Variants in TRPM8 observed in about 807,000 individuals in gnomAD.
TRPM8 encodes TRPM8 cationic channel.
In TRPM8, 110 loss-of-function variants were observed where a neutral mutation model predicts 133.7. The observed-to-expected ratio is 0.82, with a 90% CI of 0.70 to 0.96. The LOEUF is 0.96. TRPM8 is among the 40% of genes least tolerant of loss of function. The pLI, the probability that TRPM8 is intolerant of heterozygous loss-of-function variation, is 0.00. For missense variants in TRPM8, 1,291 were observed against 1,379.5 expected (o/e 0.94, Z 1.02); for synonymous variants, 535 against 532.3 (o/e 1.01, Z -0.07).
At chr2:234,003,471 G>A (rs562375685) in intron 22 of TRPM8, among the ~76,000 whole-genome samples, 1 of 152,316 alleles carries the variant, frequency 6.6e-6, no homozygotes, top group Non-Finnish European at 1.5e-5. Flanking sequence ...GGATTTGGAA[G>A]TTCAGATCTG....
chr2:233,938,673 C>G lies in TRPM8; in HGVS notation c.349-325C>G, dbSNP rs1053050335. On this transcript the variant is annotated intron_variant, in intron 4 of 25. Transcript: ENST00000324695. Reference sequence around the variant, plus strand: ...GCATTCTTTTGAGTTTCTGATTAGCCTTTCCAAAGGAGGCAATCAGATGTG... The same window carrying G: ...GCATTCTTTTGAGTTTCTGATTAGCGTTTCCAAAGGAGGCAATCAGATGTG... Among the ~76,000 whole-genome samples, 3 of 151,848 alleles carry G rather than the reference C, an allele frequency of 2.0e-5. No individual in the cohort carries two copies. The East Asian group carries it at 5.8e-4, about 29-fold the overall frequency.
At chr2:233,976,207 G>A (rs1691869137) in intron 17 of TRPM8, among the ~76,000 whole-genome samples, 1 of 152,200 alleles carries the variant, frequency 6.6e-6, no homozygotes, top group Non-Finnish European at 1.5e-5. Context: ...GAGGAGATGA[G>A]CATCGGCAAG....
chr2:233,938,140 ACT>A (rs1690807020), intron 4 of TRPM8, among the ~76,000 whole-genome samples: 1 of 151,708 alleles, frequency 6.6e-6, no homozygotes, highest in African/African-American at 2.4e-5. Context: ...GGGCCGGCAC[ACT>A]CTCTTGCTGC....
intron 8 of TRPM8, 106 bp downstream of exon 8, chr2:233,947,261 G>A: frequency 6.4e-6 from 10 of 1,561,688 alleles, no homozygotes; most frequent in Non-Finnish European, 8.7e-6. Context: ...TGATTTTACT[G>A]CAGCAAGTAG....
At chr2:233,999,145 GGGGCA>G (rs539246123) in intron 22 of TRPM8, among the ~76,000 whole-genome samples, 1 of 151,926 alleles carries the variant, frequency 6.6e-6, no homozygotes, top group Non-Finnish European at 1.5e-5. Flanking sequence ...GGTCCCTCCT[GGGGCA>G]GGGCAGGGCA....
intron 17 of TRPM8, among the ~76,000 whole-genome samples, chr2:233,979,509 A>T (rs565388931): frequency 6.6e-6 from 1 of 152,202 alleles, no homozygotes; most frequent in Non-Finnish European, 1.5e-5. Context: ...AGTCATCCAG[A>T]TGTGGTCTTC....
intron 17 of TRPM8, among the ~76,000 whole-genome samples, chr2:233,971,589 G>A (rs1442862845): frequency 6.6e-6 from 1 of 152,128 alleles, no homozygotes; most frequent in Non-Finnish European, 1.5e-5. Context: ...CTAACTTCAA[G>A]AATGAAGCCG....
chr2:234,014,510 G>A, intron 24 of TRPM8, 52 bp from the exon 25 acceptor site: 1 of 1,212,540 alleles, frequency 8.2e-7, no homozygotes, highest in Admixed American at 2.8e-5. Context: ...ATTTAAAAAT[G>A]AAAGTTGGAA....
At chr2:233,978,219 G>GTT in intron 17 of TRPM8, among the ~76,000 whole-genome samples, 1 of 151,790 alleles carries the variant, frequency 6.6e-6, no homozygotes, top group African/African-American at 2.4e-5. Flanking sequence ...GTGTGTGTGT[G>GTT]TGTGTGTGTG....
chr2:233,987,199 A>C (rs1305387405), intron 21 of TRPM8, among the ~76,000 whole-genome samples: 1 of 152,248 alleles, frequency 6.6e-6, no homozygotes, highest in Non-Finnish European at 1.5e-5. Flanking sequence ...CACACTGTGG[A>C]ATATTATGCC....
At chr2:233,997,232 C>T (rs1692430397) in intron 22 of TRPM8, among the ~76,000 whole-genome samples, 9 of 152,158 alleles carry the variant, frequency 5.9e-5, no homozygotes, top group Admixed American at 5.2e-4. Flanking sequence ...CGAGATCTCA[C>T]CACTGCACTC....
chr2:234,014,724 G>C, intron 25 of TRPM8, 70 bp downstream of exon 25: 1 of 524,412 alleles, frequency 1.9e-6, no homozygotes, highest in Non-Finnish European at 3.2e-6. Flanking sequence ...TTAAGATCAT[G>C]ATTTTTTCCT....
intron 22 of TRPM8, among the ~76,000 whole-genome samples, chr2:234,006,338 A>G (rs1287438632): frequency 1.3e-5 from 2 of 152,196 alleles, no homozygotes; most frequent in Non-Finnish European, 2.9e-5. Context: ...GGCATGCCCT[A>G]TCTTAGGTGA....
intron 17 of TRPM8, among the ~76,000 whole-genome samples, chr2:233,978,086 T>A (rs557938337): frequency 6.6e-6 from 1 of 152,242 alleles, no homozygotes; most frequent in Non-Finnish European, 1.5e-5. Flanking sequence ...ATTTGCTTTT[T>A]TTTTTTTTTA....
At chr2:234,008,862 A>G (rs1311497367) in intron 24 of TRPM8, among the ~76,000 whole-genome samples, 1 of 152,214 alleles carries the variant, frequency 6.6e-6, no homozygotes, top group Non-Finnish European at 1.5e-5. Context: ...GAGCTCTCAT[A>G]TAAGAATTTA....
At chr2:233,923,784 GA>G (rs1473858163) in intron 1 of TRPM8, among the ~76,000 whole-genome samples, 6 of 151,988 alleles carry the variant, frequency 3.9e-5, no homozygotes, top group African/African-American at 1.5e-4. Flanking sequence ...GCTGTAACTA[GA>G]AAACAATAAA....
Position 233,966,838 on chromosome 2 carries a change from A to G in TRPM8, c.2025+83A>G, listed in dbSNP as rs978952421. 1.3e-5 allele frequency: 19 copies of G among 1,414,258 alleles called. No homozygotes were observed. The Admixed American group carries it at 5.4e-4, about 40-fold the overall frequency. 87.6% of individuals were successfully genotyped at this position (1,414,258 alleles called of 1,614,324 possible). A position where few individuals can be genotyped will look rare whatever the true frequency, so the allele number is the denominator to read the frequency against. On this transcript the variant is annotated intron_variant, in intron 15 of 25. Coordinates refer to ENST00000324695, the MANE Select transcript of TRPM8 (RefSeq NM_024080.5). ...GCTACTAGCAGCATTAAACAATAGT[A>G]AAAACAAACCTTATTCTCCAATATA... is the stretch of plus-strand genomic sequence containing the variant.
At chr2:233,947,440 G>T in intron 8 of TRPM8, 2 of 1,419,266 alleles carry the variant, frequency 1.4e-6, no homozygotes, top group Admixed American at 2.1e-5. Flanking sequence ...GAGACTTAAA[G>T]ATTGTAACCG....
intron 17 of TRPM8, 117 bp from the exon 18 acceptor site, chr2:233,980,071 C>T: frequency 2.7e-6 from 2 of 741,732 alleles, no homozygotes; most frequent in Non-Finnish European, 4.6e-6. Context: ...AAAGAATAAA[C>T]AAACACGTCA....
Sources: gnomAD v4.1 joint callset for allele counts (sites outside exome capture counted in the v4.1 genomes callset) on GRCh38, gnomAD v4.1.1 for gene constraint, MANE v1.5 for transcripts, NCBI Gene and HGNC (gene_info 2026-07-23, HGNC 2026-07-21) for gene names.